SLC35D2: variants seen among roughly 807,000 people sequenced by gnomAD.
The protein encoded by SLC35D2 is solute carrier family 35 member D2.
SLC35D2 carries 43 observed loss-of-function variants against 41.8 expected under a neutral mutation model. That is an observed-to-expected ratio of 1.03 (90% CI 0.81 to 1.33). SLC35D2 has a LOEUF of 1.33. Ranked by LOEUF, SLC35D2 falls within the 40% of genes most tolerant of loss-of-function variation. The probability of loss-of-function intolerance (pLI) is 0.00; values close to 1 mark genes in which losing one functional copy is unlikely to be tolerated. For synonymous variants in SLC35D2, 150 were observed against 163.9 expected (o/e 0.92, Z 0.65); for missense variants, 380 against 408.4 (o/e 0.93, Z 0.60).
At position 96,340,840 on chromosome 9, in the gene SLC35D2, C is replaced by T. The variant is rs183972700; in HGVS notation, c.684+3064G>A. Among the ~76,000 whole-genome samples, 254 of 151,988 alleles carry T rather than the reference C, an allele frequency of 1.7e-3. 1 individual carries two copies. The highest frequency in any genetic ancestry group is 4.4e-3 in the South Asian group (21 of 4,818). On this transcript the variant is annotated intron_variant, in intron 8 of 11. Coordinates refer to ENST00000253270, the MANE Select transcript of SLC35D2 (RefSeq NM_007001.3). ...ATGATTAGCAGTCACTCTGGCGGCT[C>T]GAAGGTACTTACAGACTTTCTAAAG...
At chr9:96,380,503 G>A (rs1282106753) in intron 1 of SLC35D2, among the ~76,000 whole-genome samples, 2 of 151,628 alleles carry the variant, frequency 1.3e-5, no homozygotes, top group African/African-American at 4.8e-5. Flanking sequence ...TATCGCCCAG[G>A]CTGGAGTGCA....
chr9:96,354,301 A>T (rs1308498749), intron 4 of SLC35D2, among the ~76,000 whole-genome samples: 1 of 152,218 alleles, frequency 6.6e-6, no homozygotes, highest in East Asian at 1.9e-4. Flanking sequence ...CTCATTTGGA[A>T]AGGAAGAACT....
intron 10 of SLC35D2, among the ~76,000 whole-genome samples, chr9:96,323,625 G>C (rs1828359002): frequency 6.6e-6 from 1 of 151,998 alleles, no homozygotes; most frequent in Admixed American, 6.6e-5. Flanking sequence ...CTATGCAATA[G>C]ATTAGAAGAA....
chr9:96,360,827 T>C (rs1160173026), intron 3 of SLC35D2, among the ~76,000 whole-genome samples: 3 of 151,736 alleles, frequency 2.0e-5, no homozygotes, highest in South Asian at 2.1e-4. Context: ...CTGCAACCTC[T>C]ACCTCCCAGG....
At chr9:96,382,175 A>T (rs897479139) in intron 1 of SLC35D2, among the ~76,000 whole-genome samples, 1 of 151,918 alleles carries the variant, frequency 6.6e-6, no homozygotes, top group Non-Finnish European at 1.5e-5. Context: ...GTTTTCTCGA[A>T]TATAAAATAA....
rs1334391326 is a variant in SLC35D2 at position 96,383,086 on chromosome 9, C to T, written c.158+391G>A. On this transcript the variant is annotated intron_variant, in intron 1 of 11. Transcript: ENST00000253270. Reference sequence around the variant, plus strand: ...GGTCATCTGAGAATGAACAGTCAATCAATACAGACTTACTGGCTCAGGAGT... The same window carrying T: ...GGTCATCTGAGAATGAACAGTCAATTAATACAGACTTACTGGCTCAGGAGT... Among the ~76,000 whole-genome samples the T allele has an allele frequency of 4.6e-5, 7 of 152,162 alleles. No homozygotes were observed. In the East Asian group the frequency reaches 1.4e-3, roughly 29 times the overall value.
At chr9:96,330,610 AG>A (rs1418234703) in intron 9 of SLC35D2, among the ~76,000 whole-genome samples, 3 of 152,138 alleles carry the variant, frequency 2.0e-5, no homozygotes, top group Admixed American at 1.3e-4. Flanking sequence ...CTACTCTTTC[AG>A]GATTATAATT....
At chr9:96,328,852 T>C (rs550137806) in intron 9 of SLC35D2, among the ~76,000 whole-genome samples, 45 of 152,078 alleles carry the variant, frequency 3.0e-4, no homozygotes, top group African/African-American at 1.1e-3. Flanking sequence ...ATCCTCACCA[T>C]CTCTAGGAAG....
At chr9:96,370,546 A>G (rs1830635690) in intron 1 of SLC35D2, among the ~76,000 whole-genome samples, 1 of 152,084 alleles carries the variant, frequency 6.6e-6, no homozygotes, top group Non-Finnish European at 1.5e-5. Context: ...AGTCCCAACT[A>G]CTTGGGAGGC....
Position 96,371,474 on chromosome 9 carries a change from C to CAAA in SLC35D2, c.159-3172_159-3170dup, listed in dbSNP as rs539576375. On this transcript the variant is annotated intron_variant, in intron 1 of 11. Coordinates refer to ENST00000253270, the MANE Select transcript of SLC35D2 (RefSeq NM_007001.3). The stretch of plus-strand genomic sequence containing the variant: ...TGGGTGACAGAGCGAGACTCTGTCT[C>CAAA]AAAAAAAAAAAAAAAAAAAAAAAAA... 8.2e-3 allele frequency among the ~76,000 whole-genome samples: 380 copies of CAAA among 46,608 alleles called. 34 individuals carry two copies. The highest frequency in any genetic ancestry group is 0.016 in the African/African-American group (208 of 13,368). The allele number at this position is 46,608 out of a possible 152,430, so 30.6% of individuals were successfully genotyped here.
chr9:96,354,769 A>C (rs1282311401), intron 4 of SLC35D2, among the ~76,000 whole-genome samples: 2 of 136,446 alleles, frequency 1.5e-5, no homozygotes, highest in East Asian at 3.9e-4. Context: ...TCCATCTCAA[A>C]AAAAAAAAAA....
downstream of SLC35D2, among the ~76,000 whole-genome samples, chr9:96,317,471 C>A (rs912809147): frequency 3.9e-5 from 6 of 152,160 alleles, no homozygotes; most frequent in African/African-American, 1.4e-4. Context: ...AACCCAAGTT[C>A]TTTAGCTGTA....
chr9:96,338,350 T>C (rs1412353142), intron 8 of SLC35D2, among the ~76,000 whole-genome samples: 1 of 152,212 alleles, frequency 6.6e-6, no homozygotes, highest in African/African-American at 2.4e-5. Flanking sequence ...CTGTCATTGT[T>C]TCATGAGTAA....
intron 1 of SLC35D2, 130 bp downstream of exon 1, chr9:96,383,347 A>G: frequency 1.7e-6 from 1 of 572,326 alleles, no homozygotes; most frequent in Non-Finnish European, 2.7e-6. Context: ...GGGAAACTCG[A>G]CCAATGTGCC....
At chr9:96,340,999 T>C (rs1286653148) in intron 8 of SLC35D2, among the ~76,000 whole-genome samples, 2 of 152,076 alleles carry the variant, frequency 1.3e-5, no homozygotes, top group African/African-American at 4.8e-5. Flanking sequence ...TAATAAAGTA[T>C]ATGTTAGCTG....
At chr9:96,375,886 C>A (rs1382382636) in intron 1 of SLC35D2, among the ~76,000 whole-genome samples, 1 of 151,444 alleles carries the variant, frequency 6.6e-6, no homozygotes, top group African/African-American at 2.4e-5. Flanking sequence ...GGGAGTCAGG[C>A]GCAGTGGCTT....
chr9:96,360,219 C>G lies in SLC35D2; in HGVS notation c.282G>C (p.Leu94=). Residue 94 remains leucine, a splice_region_variant and synonymous_variant, in exon 4 of 12, where the codon CTG becomes CTC. Coordinates refer to ENST00000253270, the MANE Select transcript of SLC35D2 (RefSeq NM_007001.3). ...PDFDKKIPVK[L]FPLPLLYVGN... ...CAACGTAGAGGAGAGGCAGAGGAAACAGCTTCCATTAAAAAAAAAAGAAGA... is the reference window on the plus strand; with the variant it reads ...CAACGTAGAGGAGAGGCAGAGGAAAGAGCTTCCATTAAAAAAAAAAGAAGA... 1 of 1,606,590 alleles carries G rather than the reference C, an allele frequency of 6.2e-7. No homozygotes were observed. The highest frequency in any genetic ancestry group is 8.5e-7 in the Non-Finnish European group (1 of 1,175,004).
intron 7 of SLC35D2, among the ~76,000 whole-genome samples, chr9:96,345,041 T>G (rs1340256427): frequency 6.6e-6 from 1 of 152,158 alleles, no homozygotes; most frequent in African/African-American, 2.4e-5. Flanking sequence ...GTAAAAAAAT[T>G]AATTTGCCTT....
chr9:96,364,431 C>G, intron 3 of SLC35D2, 33 bp downstream of exon 3: 1 of 1,238,872 alleles, frequency 8.1e-7, no homozygotes, highest in Non-Finnish European at 1.2e-6. Context: ...TTCACATCTT[C>G]TATCACAGTC....
Sources: gnomAD v4.1 joint callset for allele counts (sites outside exome capture counted in the v4.1 genomes callset) on GRCh38, gnomAD v4.1.1 for gene constraint, MANE v1.5 for transcripts, NCBI Gene and HGNC (gene_info 2026-07-23, HGNC 2026-07-21) for gene names.